Variants in CDYL2 observed in about 807,000 individuals in gnomAD.
CDYL2 encodes the protein chromodomain Y like 2.
Under a neutral mutation model 49.4 loss-of-function variants are expected in CDYL2, and 23 were observed. That is an observed-to-expected ratio of 0.47 (90% CI 0.34 to 0.66). The LOEUF (loss-of-function observed/expected upper bound fraction) is 0.66. CDYL2 is among the 30% of genes least tolerant of loss of function. The probability of loss-of-function intolerance (pLI) is 0.01; values close to 1 mark genes in which losing one functional copy is unlikely to be tolerated. For synonymous variants in CDYL2, 360 were observed against 268.8 expected (o/e 1.34, Z -3.32); for missense variants, 678 against 656.4 (o/e 1.03, Z -0.36).
rs1425764787 is a variant in CDYL2 at position 80,600,008 on chromosome 16, T to C, written c.*4380A>G. 6.6e-6 allele frequency: 1 copy of C among 152,234 alleles called. No homozygotes were observed. Among genetic ancestry groups the C allele is most frequent in the Non-Finnish European group, 1.5e-5 (1 of 68,046 alleles). 9.4% of individuals were successfully genotyped at this position (152,234 alleles called of 1,614,324 possible). On this transcript the variant is annotated 3_prime_UTR_variant, in exon 7 of 7. Transcript: ENST00000570137. ...GAGGAAACAACCCGTATTACCCTTT[T>C]TAAATTTTTTTGCAACAAGCTTAAG...
At chr16:80,731,159 A>C (rs1159557158) in intron 1 of CDYL2, among the ~76,000 whole-genome samples, 1 of 152,202 alleles carries the variant, frequency 6.6e-6, no homozygotes, top group Non-Finnish European at 1.5e-5. Context: ...CAGAGACAAG[A>C]GAAAACAATT....
intron 2 of CDYL2, among the ~76,000 whole-genome samples, chr16:80,670,532 C>T (rs1423321598): frequency 1.3e-5 from 2 of 152,130 alleles, no homozygotes; most frequent in African/African-American, 4.8e-5. Context: ...GGTGTGTCTT[C>T]ATTAGCAACT....
intron 1 of CDYL2, among the ~76,000 whole-genome samples, chr16:80,700,999 G>C (rs8047993): frequency 0.63 from 95,233 of 152,128 alleles, 30,269 homozygotes; most frequent in Middle Eastern, 0.76. Flanking sequence ...GCGGGCAGAA[G>C]ATCCCACTAA....
intron 1 of CDYL2, among the ~76,000 whole-genome samples, chr16:80,706,165 A>G (rs1006901222): frequency 3.3e-5 from 5 of 152,244 alleles, no homozygotes; most frequent in African/African-American, 7.2e-5. Flanking sequence ...CAACATCAAA[A>G]GCTACTAAAA....
rs564882266 is a variant in CDYL2, at chr16:80,624,527, G to A, written c.835-3592C>T. On this transcript the variant is annotated intron_variant, in intron 3 of 6. Coordinates refer to ENST00000570137, the MANE Select transcript of CDYL2 (RefSeq NM_152342.4). ...CTGGGGAGAAGCTGCAACCCAGACC[G>A]CATGGGAATTACACAGGAAAAAAAA... Among the ~76,000 whole-genome samples the A allele has an allele frequency of 2.2e-4, 33 of 152,200 alleles. No individual in the cohort carries two copies. In the South Asian group the frequency reaches 6.4e-3, roughly 30 times the overall value.
chr16:80,757,214 G>C (rs1192977852), intron 1 of CDYL2, among the ~76,000 whole-genome samples: 2 of 152,114 alleles, frequency 1.3e-5, no homozygotes, highest in African/African-American at 4.8e-5. Flanking sequence ...AACTAAAAGA[G>C]AGTCACAAAC....
At chr16:80,624,427 A>G (rs533765448) in intron 3 of CDYL2, among the ~76,000 whole-genome samples, 7 of 152,340 alleles carry the variant, frequency 4.6e-5, no homozygotes, top group Admixed American at 3.3e-4. Flanking sequence ...CACAAGATAA[A>G]AAAATTAACA....
intron 1 of CDYL2, among the ~76,000 whole-genome samples, chr16:80,802,688 C>G (rs1907961840): frequency 6.6e-6 from 1 of 152,184 alleles, no homozygotes; most frequent in South Asian, 2.1e-4. Context: ...AGGCCTGGGC[C>G]TCACCAACTC....
intron 1 of CDYL2, among the ~76,000 whole-genome samples, chr16:80,718,175 C>T (rs1904876106): frequency 1.3e-5 from 2 of 152,214 alleles, no homozygotes. Flanking sequence ...GCTCTTTCTG[C>T]TATACCAGGC....
At chr16:80,611,956 C>T (rs957383112) in intron 5 of CDYL2, among the ~76,000 whole-genome samples, 5 of 152,236 alleles carry the variant, frequency 3.3e-5, no homozygotes, top group Admixed American at 6.5e-5. Context: ...CTGAGCTTAA[C>T]GTTCCATCTG....
At chr16:80,770,933 G>C (rs1439087545) in intron 1 of CDYL2, among the ~76,000 whole-genome samples, 1 of 152,180 alleles carries the variant, frequency 6.6e-6, no homozygotes, top group African/African-American at 2.4e-5. Flanking sequence ...AGAGCCACTG[G>C]AGGACATTTT....
intron 3 of CDYL2, 170 bp downstream of exon 3, chr16:80,632,849 G>C (rs1907627332): frequency 1.6e-6 from 1 of 616,790 alleles, no homozygotes; most frequent in South Asian, 1.9e-5. Flanking sequence ...AGATCAAATG[G>C]GATAATGTAT....
At chr16:80,743,203 A>G (rs1567592136) in intron 1 of CDYL2, among the ~76,000 whole-genome samples, 2 of 152,202 alleles carry the variant, frequency 1.3e-5, no homozygotes, top group Non-Finnish European at 2.9e-5. Context: ...TAAGCCCTCA[A>G]TAAAACAGGA....
chr16:80,791,907 AAT>A (rs1907622209), intron 1 of CDYL2, among the ~76,000 whole-genome samples: 1 of 152,230 alleles, frequency 6.6e-6, no homozygotes, highest in South Asian at 2.1e-4. Flanking sequence ...TAGATGCAGA[AAT>A]ATCAGCTGAG....
intron 1 of CDYL2, among the ~76,000 whole-genome samples, chr16:80,746,625 C>T (rs376956724): frequency 3.3e-4 from 51 of 152,328 alleles, no homozygotes; most frequent in African/African-American, 1.1e-3. Flanking sequence ...ACAGCCCAGG[C>T]GGGATCTTCC....
intron 1 of CDYL2, among the ~76,000 whole-genome samples, chr16:80,737,652 T>G (rs998215278): frequency 6.6e-6 from 1 of 152,190 alleles, no homozygotes; most frequent in African/African-American, 2.4e-5. Context: ...TTCTCAAACT[T>G]TGGTGTGCAT....
chr16:80,718,014 C>G (rs1904868494), intron 1 of CDYL2, among the ~76,000 whole-genome samples: 1 of 152,204 alleles, frequency 6.6e-6, no homozygotes, highest in Non-Finnish European at 1.5e-5. Flanking sequence ...GGTGCTTTCT[C>G]AAGCAGTTAC....
intron 2 of CDYL2, chr16:80,639,636 C>T (rs1157088581): frequency 2.2e-6 from 1 of 453,214 alleles, no homozygotes; most frequent in Non-Finnish European, 4.4e-6. Context: ...AAAAAAATAC[C>T]TTCATAAGAA....
intron 1 of CDYL2, among the ~76,000 whole-genome samples, chr16:80,774,439 A>T (rs1485249271): frequency 6.6e-6 from 1 of 152,114 alleles, no homozygotes; most frequent in Non-Finnish European, 1.5e-5. Context: ...ACAGGTGCAA[A>T]GCTTCAGTTA....
Sources: allele counts gnomAD v4.1 joint callset (sites outside exome capture counted in the v4.1 genomes callset), GRCh38; gene constraint gnomAD v4.1.1; transcripts MANE v1.5; gene names NCBI Gene and HGNC (gene_info 2026-07-23, HGNC 2026-07-21).